The following STAG1 variants were observed in gnomAD, a reference collection of about 807,000 sequenced individuals.
STAG1 encodes the protein STAG1 cohesin complex component.
Under a neutral mutation model 170.9 loss-of-function variants are expected in STAG1, and 26 were observed. The ratio of observed to expected loss-of-function variants is 0.15; its 90% CI spans 0.11 to 0.21. STAG1 has a LOEUF of 0.21. STAG1 is among the 10% of genes least tolerant of loss of function. The pLI, the probability that STAG1 is intolerant of heterozygous loss-of-function variation, is 1.00. For missense variants in STAG1, 964 were observed against 1,509.5 expected (o/e 0.64, Z 5.99); for synonymous variants, 514 against 497.7 (o/e 1.03, Z -0.44).
At chr3:136,371,394 C>T (rs1201222975) in intron 23 of STAG1, among the ~76,000 whole-genome samples, 1 of 152,040 alleles carries the variant, frequency 6.6e-6, no homozygotes, top group African/African-American at 2.4e-5. Flanking sequence ...CTTTTGTTGC[C>T]ATTGCTTTTG....
chr3:136,378,443 A>G (rs372978235), intron 22 of STAG1, among the ~76,000 whole-genome samples: 18 of 152,342 alleles, frequency 1.2e-4, no homozygotes, highest in East Asian at 9.6e-4. Flanking sequence ...CTGCAATCCC[A>G]GTGCTTTGGG....
intron 1 of STAG1, among the ~76,000 whole-genome samples, chr3:136,632,709 G>A (rs1052778444): frequency 3.9e-5 from 6 of 152,040 alleles, no homozygotes; most frequent in Non-Finnish European, 1.5e-5. Context: ...GGTGCTACAC[G>A]CATGCCCAAG....
intron 6 of STAG1, among the ~76,000 whole-genome samples, chr3:136,524,606 G>T (rs1257840171): frequency 7.2e-5 from 11 of 152,136 alleles, no homozygotes; most frequent in African/African-American, 2.7e-4. Context: ...CTGCCTGACT[G>T]CCCTGGCCAG....
At chr3:136,718,494 T>C (rs2107926671) in intron 1 of STAG1, among the ~76,000 whole-genome samples, 1 of 152,336 alleles carries the variant, frequency 6.6e-6, no homozygotes, top group South Asian at 2.1e-4. Flanking sequence ...CATTTTTGCA[T>C]GTGACATACT....
rs696520 is a variant in STAG1, at chr3:136,338,019, T to C, written c.*235A>G. On this transcript the variant is annotated 3_prime_UTR_variant, in exon 34 of 34. Coordinates refer to ENST00000383202, the MANE Select transcript of STAG1 (RefSeq NM_005862.3). ...CACATCTGTATTGGGATAAGTCCAATAGTAGGACACAAATGATTTTCAGGT... is the reference window on the plus strand; with the variant it reads ...CACATCTGTATTGGGATAAGTCCAACAGTAGGACACAAATGATTTTCAGGT... 217,019 of 507,226 alleles carry C rather than the reference T, an allele frequency of 0.43. 52,610 individuals carry two copies. Among genetic ancestry groups the C allele is most frequent in the East Asian group, 0.81 (25,482 of 31,530 alleles). The allele number at this position is 507,226 out of a possible 1,614,324, so 31.4% of individuals were successfully genotyped here.
rs756531368 is a variant in STAG1 at position 136,472,497 on chromosome 3, G to GA, written c.1126-6dup. 3.9e-5 allele frequency: 63 copies of GA among 1,605,752 alleles called. No individual in the cohort carries two copies. Among genetic ancestry groups the GA allele is most frequent in the Non-Finnish European group, 5.0e-5 (59 of 1,176,156 alleles). The stretch of plus-strand genomic sequence containing the variant: ...TGTCATTGATACAATGCGATCCTGA[G>GA]AAAAAAAAGTTGTAAAACAAACCAA... On this transcript the variant is annotated splice_polypyrimidine_tract_variant and splice_region_variant and intron_variant, in intron 11 of 33. Coordinates refer to ENST00000383202, the MANE Select transcript of STAG1 (RefSeq NM_005862.3).
In STAG1 at chr3:136,477,330, C is replaced by T; in HGVS notation, c.985G>A (p.Asp329Asn). Residue 329 changes from aspartate to asparagine, a missense_variant, in exon 10 of 34, where the codon GAC becomes AAC. Coordinates refer to ENST00000383202, the MANE Select transcript of STAG1 (RefSeq NM_005862.3). ...MKMYSDAFLNDSYLKYVGWTL... is the reference protein window; with the variant it reads ...MKMYSDAFLNNSYLKYVGWTL... ...CAGCCAACATATTTTAGGTAACTGTCATTTAGGAAGGCATCACTATACATT... is the reference window on the plus strand; with the variant it reads ...CAGCCAACATATTTTAGGTAACTGTTATTTAGGAAGGCATCACTATACATT... 6.2e-7 allele frequency: 1 copy of T among 1,613,198 alleles called. No individual in the cohort carries two copies. The highest frequency in any genetic ancestry group is 8.5e-7 in the Non-Finnish European group (1 of 1,179,680).
chr3:136,386,480 G>A (rs532285058), intron 22 of STAG1, among the ~76,000 whole-genome samples: 1 of 152,214 alleles, frequency 6.6e-6, no homozygotes, highest in East Asian at 1.9e-4. Flanking sequence ...AAGGCACAAA[G>A]GCTCAAATTT....
chr3:136,578,020 G>T (rs555007696), intron 4 of STAG1, among the ~76,000 whole-genome samples: 1 of 152,334 alleles, frequency 6.6e-6, no homozygotes, highest in African/African-American at 2.4e-5. Context: ...CTTACCATGT[G>T]AGAACTATAC....
At chr3:136,382,401 C>CTTTT (rs1033807448) in intron 22 of STAG1, among the ~76,000 whole-genome samples, 2 of 134,590 alleles carry the variant, frequency 1.5e-5, no homozygotes, top group East Asian at 2.1e-4. Context: ...CCAAGGCTTT[C>CTTTT]TTTTTTTTTT....
At chr3:136,554,877 A>C (rs112092849) in intron 5 of STAG1, among the ~76,000 whole-genome samples, 201 of 151,856 alleles carry the variant, frequency 1.3e-3, no homozygotes, top group African/African-American at 3.1e-3. Flanking sequence ...CTGGGTGAGA[A>C]CCCGTCTCAA....
At chr3:136,480,701 C>T (rs949124494) in intron 9 of STAG1, among the ~76,000 whole-genome samples, 1 of 61,220 alleles carries the variant, frequency 1.6e-5, no homozygotes, top group African/African-American at 4.7e-5. Flanking sequence ...TTGATTCTTC[C>T]TACCCATGAG....
chr3:136,736,646 T>A (rs751131795), intron 1 of STAG1: 6 of 1,603,694 alleles, frequency 3.7e-6, no homozygotes, highest in Non-Finnish European at 5.1e-6. Flanking sequence ...CTCTTTCCCG[T>A]TTGGCTTTTT....
chr3:136,463,736 T>TGTGTGTGC (rs1491232209), intron 13 of STAG1, among the ~76,000 whole-genome samples: 118 of 3,006 alleles, frequency 0.039, 1 homozygote, highest in East Asian at 0.2. Flanking sequence ...AATGTGTATA[T>TGTGTGTGC]GTGTGTGTGT....
chr3:136,646,687 C>CA (rs1941028905), intron 1 of STAG1, among the ~76,000 whole-genome samples: 1 of 152,152 alleles, frequency 6.6e-6, no homozygotes, highest in Non-Finnish European at 1.5e-5. Context: ...GCAGGCAGAT[C>CA]ACGAGGTCAG....
chr3:136,633,571 G>A (rs1001019262), intron 1 of STAG1, among the ~76,000 whole-genome samples: 1 of 151,948 alleles, frequency 6.6e-6, no homozygotes, highest in Non-Finnish European at 1.5e-5. Context: ...GTGGTGGCAG[G>A]TGCCTGCAAT....
At chr3:136,404,957 T>C (rs576186784) in intron 21 of STAG1, among the ~76,000 whole-genome samples, 1 of 151,912 alleles carries the variant, frequency 6.6e-6, no homozygotes, top group Admixed American at 6.6e-5. Flanking sequence ...GTAATGACAG[T>C]GGAAAATCTG....
At chr3:136,551,426 TAA>T (rs1936396464) in intron 5 of STAG1, among the ~76,000 whole-genome samples, 2 of 90,936 alleles carry the variant, frequency 2.2e-5, no homozygotes, top group Admixed American at 1.3e-4. Context: ...TACATCTGGC[TAA>T]TTTTTTTTTT....
chr3:136,521,174 A>C (rs1934652916), intron 7 of STAG1, 39 bp downstream of exon 7: 2 of 1,537,744 alleles, frequency 1.3e-6, no homozygotes, highest in Non-Finnish European at 1.8e-6. Flanking sequence ...CATAGTCAAC[A>C]AAACTAAATG....
Sources: gnomAD v4.1 joint callset for allele counts (sites outside exome capture counted in the v4.1 genomes callset) on GRCh38, gnomAD v4.1.1 for gene constraint, MANE v1.5 for transcripts, NCBI Gene and HGNC (gene_info 2026-07-23, HGNC 2026-07-21) for gene names.